Variants in TFEC observed in about 807,000 individuals in gnomAD.
TFEC encodes the protein transcription factor EC.
A neutral mutation model predicts 41.6 loss-of-function variants in TFEC; 31 were observed. That is an observed-to-expected ratio of 0.74 (90% CI 0.56 to 1.01). The LOEUF is 1.01. Ranked by LOEUF, TFEC falls within the 50% of genes least tolerant of loss-of-function variation. The pLI is 0.00. For missense variants in TFEC, 402 were observed against 404.1 expected (o/e 0.99, Z 0.04); for synonymous variants, 143 against 140.6 (o/e 1.02, Z -0.12).
intron 5 of TFEC, among the ~76,000 whole-genome samples, chr7:115,951,726 C>A (rs1791953640): frequency 6.6e-6 from 1 of 151,936 alleles, no homozygotes; most frequent in African/African-American, 2.4e-5. Context: ...TTTTGTGGGG[C>A]CAATGCTTTG....
intron 3 of TFEC, among the ~76,000 whole-genome samples, chr7:115,960,580 G>T (rs897646807): frequency 1.3e-4 from 20 of 151,546 alleles, no homozygotes; most frequent in African/African-American, 3.4e-4. Context: ...GGTTGCTGTC[G>T]CAGGGAAGCC....
upstream of TFEC, among the ~76,000 whole-genome samples, chr7:116,033,716 A>G (rs940972511): frequency 6.6e-6 from 1 of 152,092 alleles, no homozygotes; most frequent in South Asian, 2.1e-4. Flanking sequence ...TCTCACCTGT[A>G]ATCTACAGTG....
chr7:116,102,471 T>C (rs1004086817), intron 3 of TFEC, among the ~76,000 whole-genome samples: 1 of 152,204 alleles, frequency 6.6e-6, no homozygotes, highest in East Asian at 1.9e-4. Flanking sequence ...ATGTGGAATA[T>C]TGTAAGAATA....
intron 3 of TFEC, among the ~76,000 whole-genome samples, chr7:116,076,900 T>C (rs1796972350): frequency 6.6e-6 from 1 of 152,100 alleles, no homozygotes; most frequent in South Asian, 2.1e-4. Context: ...GAGATCTAGA[T>C]ATCCAAATAC....
chr7:116,115,291 C>T (rs1182898097), intron 1 of TFEC, among the ~76,000 whole-genome samples: 1 of 151,992 alleles, frequency 6.6e-6, no homozygotes, highest in East Asian at 1.9e-4. Context: ...CCAAAAACTT[C>T]GTGGCTTCAA....
At chr7:116,114,777 G>A (rs1310012471) in intron 1 of TFEC, among the ~76,000 whole-genome samples, 1 of 151,882 alleles carries the variant, frequency 6.6e-6, no homozygotes, top group Non-Finnish European at 1.5e-5. Context: ...AGGCTCCCTC[G>A]GTTGAGACTG....
At chr7:115,998,807 A>C (rs1454948994) in intron 1 of TFEC, among the ~76,000 whole-genome samples, 3 of 151,740 alleles carry the variant, frequency 2.0e-5, no homozygotes, top group Non-Finnish European at 4.4e-5. Flanking sequence ...ATGTGCCCCA[A>C]AACTGGAGCA....
chr7:116,059,632 A>C (rs1796507524), intron 3 of TFEC, among the ~76,000 whole-genome samples: 1 of 152,020 alleles, frequency 6.6e-6, no homozygotes, highest in Admixed American at 6.6e-5. Context: ...TCAAGTGAAA[A>C]AAATCAGGAT....
chr7:116,097,811 A>AAAAAC (rs1450950246), intron 3 of TFEC, among the ~76,000 whole-genome samples: 2 of 152,218 alleles, frequency 1.3e-5, no homozygotes, highest in African/African-American at 2.4e-5. Context: ...GCAACCACTA[A>AAAAAC]AAAACAAAAC....
intron 1 of TFEC, among the ~76,000 whole-genome samples, chr7:116,024,304 T>A (rs1353771774): frequency 7.9e-5 from 12 of 151,718 alleles, no homozygotes; most frequent in African/African-American, 2.9e-4. Context: ...AGAGGCGAGG[T>A]TGTTCAAAAT....
At chr7:116,001,529 A>C (rs1291934271) in intron 1 of TFEC, among the ~76,000 whole-genome samples, 2 of 151,702 alleles carry the variant, frequency 1.3e-5, no homozygotes, top group Non-Finnish European at 2.9e-5. Flanking sequence ...AACAAAAAAA[A>C]CACAAAAACA....
intron 3 of TFEC, among the ~76,000 whole-genome samples, chr7:116,039,410 A>C (rs1249934739): frequency 6.7e-6 from 1 of 148,650 alleles, no homozygotes; most frequent in African/African-American, 2.5e-5. Context: ...AAACTAAAAC[A>C]AAAGAAAATT....
intron 1 of TFEC, among the ~76,000 whole-genome samples, chr7:116,024,631 A>G (rs1198425544): frequency 6.6e-6 from 1 of 152,190 alleles, no homozygotes; most frequent in Non-Finnish European, 1.5e-5. Context: ...GAAGAGGAGA[A>G]TATTTCATAA....
intron 1 of TFEC, among the ~76,000 whole-genome samples, chr7:116,015,237 A>C (rs966923397): frequency 8.5e-5 from 13 of 152,120 alleles, no homozygotes; most frequent in Admixed American, 3.9e-4. Flanking sequence ...GTATTTCCCC[A>C]TCATAACTGA....
chr7:116,055,883 C>T (rs1232316073), intron 3 of TFEC, among the ~76,000 whole-genome samples: 3 of 151,990 alleles, frequency 2.0e-5, no homozygotes, highest in Non-Finnish European at 2.9e-5. Context: ...TCCTAAGCTG[C>T]TCCTATTTGT....
At chr7:116,119,079 G>GA (rs1472213600) in intron 1 of TFEC, among the ~76,000 whole-genome samples, 1 of 151,816 alleles carries the variant, frequency 6.6e-6, no homozygotes, top group Non-Finnish European at 1.5e-5. Context: ...GAAAGTCAAT[G>GA]AAAAATGAAT....
intron 1 of TFEC, among the ~76,000 whole-genome samples, chr7:116,141,004 A>G (rs114060758): frequency 0.011 from 1,748 of 152,312 alleles, 34 homozygotes; most frequent in African/African-American, 0.04. Context: ...CAAGCCCTCT[A>G]GGAGACTTGG....
chr7:115,997,141 G>A (rs1034721892), intron 1 of TFEC, among the ~76,000 whole-genome samples: 14 of 152,172 alleles, frequency 9.2e-5, no homozygotes, highest in South Asian at 6.2e-4. Context: ...ACCCAGTGCT[G>A]TGCTGGCTTC....
At chr7:115,949,450 T>C (rs547058282) in intron 6 of TFEC, among the ~76,000 whole-genome samples, 3 of 152,118 alleles carry the variant, frequency 2.0e-5, no homozygotes, top group South Asian at 4.2e-4. Flanking sequence ...CTTCAAACTA[T>C]ACTACAAGGC....
Sources: gnomAD v4.1 joint callset for allele counts (sites outside exome capture counted in the v4.1 genomes callset) on GRCh38, gnomAD v4.1.1 for gene constraint, MANE v1.5 for transcripts, NCBI Gene and HGNC (gene_info 2026-07-23, HGNC 2026-07-21) for gene names.